The following ARMH3 variants were observed in gnomAD, a reference collection of about 807,000 sequenced individuals.
The protein encoded by ARMH3 is armadillo-like helical domain-containing protein 3.
Under a neutral mutation model 99.1 loss-of-function variants are expected in ARMH3, and 60 were observed. The ratio of observed to expected loss-of-function variants is 0.61; its 90% CI spans 0.49 to 0.75. The LOEUF is 0.75. Among genes scored for constraint, ARMH3 ranks in the 30% least tolerant of loss-of-function variants. The probability of loss-of-function intolerance (pLI) is 0.00; values close to 1 mark genes in which losing one functional copy is unlikely to be tolerated. For missense variants in ARMH3, 679 were observed against 843.1 expected (o/e 0.81, Z 2.41); for synonymous variants, 285 against 292.8 (o/e 0.97, Z 0.27).
chr10:102,007,436 A>G (rs1297411735), intron 13 of ARMH3, among the ~76,000 whole-genome samples: 1 of 151,744 alleles, frequency 6.6e-6, no homozygotes, highest in African/African-American at 2.4e-5. Flanking sequence ...ATCTCATCAG[A>G]TCAACCTAAA....
At chr10:101,915,904 T>C (rs1376765601) in intron 23 of ARMH3, among the ~76,000 whole-genome samples, 1 of 150,518 alleles carries the variant, frequency 6.6e-6, no homozygotes, top group African/African-American at 2.4e-5. Flanking sequence ...CCCGGGTTCA[T>C]GCCATTCTCC....
At chr10:102,042,890 T>C (rs979432316) in intron 1 of ARMH3, among the ~76,000 whole-genome samples, 16 of 152,162 alleles carry the variant, frequency 1.1e-4, no homozygotes, top group Admixed American at 6.5e-5. Flanking sequence ...CTGACCAACA[T>C]GCAGAAACCC....
intron 23 of ARMH3, among the ~76,000 whole-genome samples, chr10:101,903,744 A>C (rs1013559992): frequency 1.3e-5 from 2 of 152,172 alleles, no homozygotes; most frequent in African/African-American, 4.8e-5. Flanking sequence ...CTAAAGATAA[A>C]AGTTATAGCT....
chr10:102,009,827 TAATGTTCAAAACCCATG>T, intron 12 of ARMH3, 133 bp downstream of exon 12: 1 of 777,108 alleles, frequency 1.3e-6, no homozygotes, highest in Non-Finnish European at 2.0e-6. Flanking sequence ...AAGGGTCCAT[TAATGTTCAAAACCCATG>T]AAACATTTGA....
At chr10:101,871,260 C>T (rs1260863695) in intron 24 of ARMH3, among the ~76,000 whole-genome samples, 1 of 152,276 alleles carries the variant, frequency 6.6e-6, no homozygotes, top group East Asian at 1.9e-4. Context: ...AGTATCAATT[C>T]TCTTCCAAGT....
intron 24 of ARMH3, among the ~76,000 whole-genome samples, chr10:101,879,904 T>G (rs1339052362): frequency 6.6e-6 from 1 of 152,178 alleles, no homozygotes; most frequent in East Asian, 1.9e-4. Context: ...AGATGATTAC[T>G]GAGGATAAGC....
rs1330571466 is a variant in ARMH3 at position 102,033,310 on chromosome 10, C to T, written c.132G>A (p.Arg44=). The T allele has an allele frequency of 1.9e-6, 3 of 1,614,024 alleles. No individual in the cohort carries two copies. The highest frequency in any genetic ancestry group is 2.7e-5 in the African/African-American group (2 of 74,922). Reference sequence around the variant, plus strand: ...TCATGAGAAAGAGCTCCTCCCAAAACCGAGGACTGCACTTACTGGGGTCCT... The same window carrying T: ...TCATGAGAAAGAGCTCCTCCCAAAATCGAGGACTGCACTTACTGGGGTCCT... ...MTEDPSKCSP[R]FWEELFLMKV... Residue 44 remains arginine (R), a synonymous_variant, in exon 3 of 26, where the codon CGG becomes CGA. Transcript: ENST00000370033.
At chr10:102,029,376 G>A in intron 5 of ARMH3, 3 of 1,286,502 alleles carry the variant, frequency 2.3e-6, no homozygotes, top group Non-Finnish European at 2.1e-6. Flanking sequence ...AAGAATGTAT[G>A]ATCATATGAT....
At chr10:101,939,807 C>A in intron 23 of ARMH3, 56 bp downstream of exon 23, 1 of 1,465,588 alleles carries the variant, frequency 6.8e-7, no homozygotes, top group South Asian at 1.1e-5. Context: ...TAGAAAGGTA[C>A]AATAAACCTC....
At chr10:101,912,391 CAAAAAA>C (rs34173316) in intron 23 of ARMH3, among the ~76,000 whole-genome samples, 2 of 83,090 alleles carry the variant, frequency 2.4e-5, no homozygotes, top group African/African-American at 1.0e-4. Flanking sequence ...GACTCTGTCT[CAAAAAA>C]AAAAAAAAAA....
chr10:101,970,666 A>C (rs997986509), intron 20 of ARMH3, among the ~76,000 whole-genome samples: 4 of 151,994 alleles, frequency 2.6e-5, no homozygotes, highest in African/African-American at 9.7e-5. Flanking sequence ...TAAAAAAAAA[A>C]ATACAAAAAT....
chr10:101,939,802 A>G (rs1438133770), intron 23 of ARMH3, 61 bp downstream of exon 23: 3 of 1,411,984 alleles, frequency 2.1e-6, no homozygotes, highest in Non-Finnish European at 3.0e-6. Flanking sequence ...TTACTTAGAA[A>G]GGTACAATAA....
intron 20 of ARMH3, among the ~76,000 whole-genome samples, chr10:101,974,630 T>C (rs1243941195): frequency 6.6e-6 from 1 of 152,216 alleles, no homozygotes; most frequent in Non-Finnish European, 1.5e-5. Context: ...GGCTACCAAA[T>C]GGTTAGAAAG....
chr10:101,889,636 G>A (rs1002738720), intron 23 of ARMH3, 146 bp from the exon 24 acceptor site: 2 of 736,380 alleles, frequency 2.7e-6, no homozygotes, highest in African/African-American at 3.5e-5. Flanking sequence ...TTGAACATGA[G>A]GTAGTCACAA....
chr10:101,985,263 T>C (rs966323207), intron 19 of ARMH3, among the ~76,000 whole-genome samples: 1 of 148,918 alleles, frequency 6.7e-6, no homozygotes, highest in Non-Finnish European at 1.5e-5. Flanking sequence ...TATATATGTG[T>C]ATATACGTAT....
At chr10:102,004,943 G>A (rs1222567739) in intron 14 of ARMH3, among the ~76,000 whole-genome samples, 6 of 152,086 alleles carry the variant, frequency 3.9e-5, no homozygotes, top group South Asian at 4.2e-4. Context: ...GGTGGCTCAC[G>A]CCTGTAATCC....
chr10:101,889,337 C>T (rs920124520), intron 24 of ARMH3, 75 bp downstream of exon 24: 2 of 1,380,482 alleles, frequency 1.4e-6, no homozygotes, highest in Admixed American at 3.4e-5. Flanking sequence ...TCACAGAATC[C>T]CCCTGCCATC....
intron 1 of ARMH3, among the ~76,000 whole-genome samples, chr10:102,047,637 C>T (rs2067588770): frequency 6.6e-6 from 1 of 152,050 alleles, no homozygotes; most frequent in African/African-American, 2.4e-5. Context: ...CAGGCACACA[C>T]CACCACACCT....
At chr10:101,852,220 G>A (rs1470121633) in intron 24 of ARMH3, among the ~76,000 whole-genome samples, 1 of 152,238 alleles carries the variant, frequency 6.6e-6, no homozygotes, top group African/African-American at 2.4e-5. Flanking sequence ...AGAGGTTACT[G>A]CATATGAAGA....
Sources: gnomAD v4.1 joint callset for allele counts (sites outside exome capture counted in the v4.1 genomes callset) on GRCh38, gnomAD v4.1.1 for gene constraint, MANE v1.5 for transcripts, NCBI Gene and HGNC (gene_info 2026-07-23, HGNC 2026-07-21) for gene names.